Variants in ADAMTS2 observed in about 807,000 individuals in gnomAD.
ADAMTS2 encodes A disintegrin and metalloproteinase with thrombospondin motifs 2.
In ADAMTS2, 50 loss-of-function variants were observed where a neutral mutation model predicts 123.0. The observed-to-expected ratio is 0.41, with a 90% confidence interval of 0.32 to 0.51. The LOEUF (loss-of-function observed/expected upper bound fraction) is 0.51, where lower values mean the gene tolerates loss of function less well. ADAMTS2 is among the 20% of genes least tolerant of loss of function. The pLI, the probability that ADAMTS2 is intolerant of heterozygous loss-of-function variation, is 0.35. For missense variants in ADAMTS2, 1,494 were observed against 1,705.2 expected (o/e 0.88, Z 2.18); for synonymous variants, 678 against 695.4 (o/e 0.98, Z 0.39).
chr5:179,334,357 G>A (rs7734278), intron 2 of ADAMTS2, among the ~76,000 whole-genome samples: 63,782 of 152,084 alleles, frequency 0.42, 13,843 homozygotes, highest in South Asian at 0.65. Flanking sequence ...CAAACACCCC[G>A]GAATCGCAAC....
chr5:179,318,756 C>T (rs1181488353), intron 2 of ADAMTS2, among the ~76,000 whole-genome samples: 1 of 152,032 alleles, frequency 6.6e-6, no homozygotes, highest in South Asian at 2.1e-4. Context: ...GATGACTCCC[C>T]TGGGGGAAAC....
At position 179,135,949 on chromosome 5, in the gene ADAMTS2, T is replaced by A; in HGVS notation, c.2045A>T (p.Tyr682Phe). Residue 682 changes from tyrosine to phenylalanine, a missense_variant, in exon 13 of 22, where the codon TAC (tyrosine) becomes TTC (phenylalanine). Physicochemically the swap from Tyr to Phe is conservative, Grantham distance 22 (BLOSUM62 3). Transcript: ENST00000251582. The stretch of plus-strand genomic sequence containing the variant: ...CACACAGAGGCTGAAGGCGTCCTTG[T>A]AGGAGCAGCGCGTCCCGTCATGCAC... ...RMVHDGTRCS[Y>F]KDAFSLCVRG... 1 of 1,613,294 alleles carries A rather than the reference T, an allele frequency of 6.2e-7. No individual in the cohort carries two copies. The highest frequency in any genetic ancestry group is 8.5e-7 in the Non-Finnish European group (1 of 1,180,026).
rs1756720749 is a variant in ADAMTS2 at position 179,307,775 on chromosome 5, C to T, written c.535-34711G>A. Among the ~76,000 whole-genome samples, 1 of 152,202 alleles carries T rather than the reference C, an allele frequency of 6.6e-6. No individual in the cohort carries two copies. Among genetic ancestry groups the T allele is most frequent in the Admixed American group, 6.5e-5 (1 of 15,286 alleles). On this transcript the variant is annotated intron_variant, in intron 2 of 21. Transcript: ENST00000251582. This position sits in a 1 kb window ranked among gnomAD's most constrained non-coding sequence, Gnocchi z 5.6. Reference sequence around the variant, plus strand: ...GCCTCCACCTGGAATGGCCTTCTTCCAGAAGTCCAGGTCCTAGCTCCGATG... The same window carrying T: ...GCCTCCACCTGGAATGGCCTTCTTCTAGAAGTCCAGGTCCTAGCTCCGATG...
chr5:179,153,331 G>A (rs1015752850), intron 9 of ADAMTS2, among the ~76,000 whole-genome samples, 160 bp downstream of exon 9: 10 of 152,280 alleles, frequency 6.6e-5, no homozygotes, highest in African/African-American at 2.4e-4. Context: ...TGCCTAGGGG[G>A]TGGGGAGTGG....
At chr5:179,207,829 G>A in intron 3 of ADAMTS2, 114 bp from the exon 4 acceptor site, 1 of 918,950 alleles carries the variant, frequency 1.1e-6, no homozygotes, top group Non-Finnish European at 1.7e-6. Context: ...CTGAACCGAG[G>A]GTATTATTCC....
At chr5:179,206,531 C>A (rs1488942300) in intron 4 of ADAMTS2, among the ~76,000 whole-genome samples, 1 of 152,196 alleles carries the variant, frequency 6.6e-6, no homozygotes, top group African/African-American at 2.4e-5. Context: ...TCCAGCCCTC[C>A]CTAAGCCCCG....
Position 179,135,998 on chromosome 5 carries a change from C to G in ADAMTS2, c.1996G>C (p.Glu666Gln). The G allele has an allele frequency of 6.2e-7, 1 of 1,613,464 alleles. No homozygotes were observed. ...ACCATGCGCTTCATGGACACCACCTCCCCGGTCTCCCTGGACTCGCAGTAC... is the reference window on the plus strand; with the variant it reads ...ACCATGCGCTTCATGGACACCACCTGCCCGGTCTCCCTGGACTCGCAGTAC... Reference protein sequence around the residue: ...HLYCESRETGEVVSMKRMVHD... With the variant: ...HLYCESRETGQVVSMKRMVHD... The change falls in exon 13 of 22, where the codon GAG becomes CAG. Residue 666 changes from glutamate (E) to glutamine (Q), a missense_variant. Glu to Gln is a conservative substitution (Grantham distance 29). Around this residue, in one of 6 missense-constraint regions of ADAMTS2, gnomAD observed 953 missense variants for 1,124.7 expected, o/e 0.85. Transcript: ENST00000251582.
chr5:179,306,842 A>T (rs1019109900), intron 2 of ADAMTS2, among the ~76,000 whole-genome samples: 4 of 152,034 alleles, frequency 2.6e-5, no homozygotes, highest in Non-Finnish European at 5.9e-5. Flanking sequence ...GAAGGAAGCA[A>T]CTCCATGAGA....
At chr5:179,329,897 C>T (rs568951619) in intron 2 of ADAMTS2, among the ~76,000 whole-genome samples, 246 of 151,974 alleles carry the variant, frequency 1.6e-3, no homozygotes, top group Middle Eastern at 3.4e-3. Flanking sequence ...GAGGCCGAGG[C>T]GGGTGGATCA....
chr5:179,325,695 A>G (rs1243359857), intron 2 of ADAMTS2, among the ~76,000 whole-genome samples: 3 of 152,260 alleles, frequency 2.0e-5, no homozygotes, highest in Admixed American at 6.5e-5. Flanking sequence ...CGGCTGGTGC[A>G]CTGCCCAGGC....
chr5:179,339,751 C>T (rs568275302), intron 2 of ADAMTS2, among the ~76,000 whole-genome samples: 236 of 152,318 alleles, frequency 1.5e-3, no homozygotes, highest in Non-Finnish European at 2.5e-3. Flanking sequence ...GAAGGAAGAC[C>T]CTACCAGCGG....
rs17079267 is a variant in ADAMTS2, at chr5:179,262,325, G to A, written c.688+10586C>T. Among the ~76,000 whole-genome samples, 8,321 of 151,812 alleles carry A rather than the reference G, an allele frequency of 0.055. 376 individuals carry two copies. Among genetic ancestry groups the A allele is most frequent in the East Asian group, 0.19 (994 of 5,126 alleles). On this transcript the variant is annotated intron_variant, in intron 3 of 21. Coordinates refer to ENST00000251582, the MANE Select transcript of ADAMTS2 (RefSeq NM_014244.5). This position sits in a 1 kb window ranked among gnomAD's most constrained non-coding sequence, Gnocchi z 5.9. ...GATTCCTTCCTTCACACCACGTCCC[G>A]GAAGCTCCACCTCAAACTCATCCTG...
intron 10 of ADAMTS2, among the ~76,000 whole-genome samples, chr5:179,150,036 T>A (rs915229983): frequency 1.3e-5 from 2 of 152,218 alleles, no homozygotes; most frequent in Non-Finnish European, 2.9e-5. Flanking sequence ...GACCTCCCTC[T>A]GCCCCACTTC....
intron 5 of ADAMTS2, 141 bp from the exon 6 acceptor site, chr5:179,159,020 C>G: frequency 8.9e-7 from 1 of 1,123,890 alleles, no homozygotes; most frequent in East Asian, 2.6e-5. Context: ...CGGTCACTCT[C>G]AGGACCTGCT....
chr5:179,171,980 C>A (rs1763827409), intron 5 of ADAMTS2, among the ~76,000 whole-genome samples: 1 of 152,154 alleles, frequency 6.6e-6, no homozygotes, highest in Non-Finnish European at 1.5e-5. Context: ...AGCTGCGGGT[C>A]CACTGAGCCC....
In ADAMTS2 at chr5:179,202,597, A is replaced by G. The variant is rs1456698932; in HGVS notation, c.891+4916T>C. On this transcript the variant is annotated intron_variant, in intron 4 of 21. Transcript: ENST00000251582. This position sits in a 1 kb window ranked among gnomAD's most constrained non-coding sequence, Gnocchi z 4.0. ...CAGCTGCACCCCTTGCCTGACATAT[A>G]ATAGACGCCCCATAAACACCGGCCC... Among the ~76,000 whole-genome samples the G allele has an allele frequency of 1.3e-5, 2 of 152,138 alleles. No individual in the cohort carries two copies. The highest frequency in any genetic ancestry group is 2.4e-5 in the African/African-American group (1 of 41,424).
At chr5:179,139,834 C>G (rs1763130491) in intron 11 of ADAMTS2, 56 bp downstream of exon 11, 1 of 1,607,512 alleles carries the variant, frequency 6.2e-7, no homozygotes, top group Non-Finnish European at 8.5e-7. Flanking sequence ...TGGAGAGGGT[C>G]TCCTGGACCC....
chr5:179,147,583 GGCCAGCACACA>G (rs1763274135), intron 10 of ADAMTS2, among the ~76,000 whole-genome samples: 1 of 152,202 alleles, frequency 6.6e-6, no homozygotes, highest in African/African-American at 2.4e-5. Flanking sequence ...TGAGGGAAAT[GGCCAGCACACA>G]GCCTGTATTC....
intron 10 of ADAMTS2, among the ~76,000 whole-genome samples, chr5:179,148,099 G>C (rs1763285384): frequency 1.3e-5 from 2 of 152,072 alleles, no homozygotes; most frequent in Non-Finnish European, 2.9e-5. Context: ...CCTGTGGCTG[G>C]CATCAAAGAC....
Sources: allele counts gnomAD v4.1 joint callset (sites outside exome capture counted in the v4.1 genomes callset), GRCh38; gene constraint gnomAD v4.1.1; regional missense constraint gnomAD v4.1.1; non-coding constraint Gnocchi (gnomAD v3.1); transcripts MANE v1.5; gene names NCBI Gene and HGNC (gene_info 2026-07-23, HGNC 2026-07-21).